Variants in FREM3 observed in about 807,000 individuals in gnomAD.
The protein encoded by FREM3 is FRAS1 related extracellular matrix 3.
FREM3 carries 105 observed loss-of-function variants against 129.1 expected under a neutral mutation model. The ratio of observed to expected loss-of-function variants is 0.81; its 90% CI spans 0.69 to 0.96. The LOEUF is 0.96. FREM3 is among the 40% of genes least tolerant of loss of function. The pLI is 0.00. For missense variants in FREM3, 2,593 were observed against 2,666.3 expected, an observed-to-expected ratio of 0.97 and a Z score of 0.61; for synonymous variants, 1,014 against 1,044.9, an observed-to-expected ratio of 0.97 and a Z score of 0.57.
At chr4:143,661,266 C>T (rs912759826) in intron 2 of FREM3, among the ~76,000 whole-genome samples, 1 of 152,130 alleles carries the variant, frequency 6.6e-6, no homozygotes, top group African/African-American at 2.4e-5. Context: ...CCATCAATAC[C>T]TAATTTATTG....
At chr4:143,657,397 T>A (rs1459299161) in intron 2 of FREM3, among the ~76,000 whole-genome samples, 1 of 152,208 alleles carries the variant, frequency 6.6e-6, no homozygotes, top group Admixed American at 6.5e-5. Context: ...TCTCAGAATT[T>A]TAGGACTGGA....
chr4:143,592,762 T>C, intron 6 of FREM3, among the ~76,000 whole-genome samples: 1 of 152,216 alleles, frequency 6.6e-6, no homozygotes, highest in Non-Finnish European at 1.5e-5. Context: ...ATTCTCTGTA[T>C]TTCCTGAATT....
intron 2 of FREM3, among the ~76,000 whole-genome samples, chr4:143,690,548 C>T (rs1248074780): frequency 1.3e-5 from 2 of 152,068 alleles, no homozygotes; most frequent in Non-Finnish European, 2.9e-5. Context: ...CTCCTTCAGC[C>T]CGATGGTGAA....
chr4:143,698,029 A>T lies in FREM3; in HGVS notation c.2647T>A (p.Cys883Ser). The change falls in exon 1 of 8, where the codon TGT becomes AGT. Residue 883 changes from cysteine to serine, a missense_variant. Physicochemically the swap from Cys to Ser is moderately radical, Grantham distance 112. Transcript: ENST00000329798. Reference protein sequence around the residue: ...QHGHLQYFKRCMVPGESFMQA... With the variant: ...QHGHLQYFKRSMVPGESFMQA... ...ATGAAAGATTCCCCTGGGACCATAC[A>T]TCTTTTAAAGTACTGCAAGTGTCCA... 1 of 1,537,318 alleles carries T rather than the reference A, an allele frequency of 6.5e-7. No individual in the cohort carries two copies. The highest frequency in any genetic ancestry group is 1.4e-5 in the African/African-American group (1 of 73,154).
chr4:143,591,036 A>G (rs1199936640), intron 6 of FREM3, among the ~76,000 whole-genome samples: 4 of 152,162 alleles, frequency 2.6e-5, no homozygotes, highest in Non-Finnish European at 5.9e-5. Context: ...AGAGGTGTTT[A>G]TAGTATTCTC....
intron 2 of FREM3, among the ~76,000 whole-genome samples, chr4:143,637,851 A>G (rs889222348): frequency 3.3e-5 from 5 of 152,258 alleles, no homozygotes; most frequent in South Asian, 2.1e-4. Context: ...CACCTCTGCA[A>G]TCTTTGGACA....
chr4:143,674,920 T>A (rs909241759), intron 2 of FREM3, among the ~76,000 whole-genome samples: 20 of 152,180 alleles, frequency 1.3e-4, no homozygotes, highest in African/African-American at 4.8e-4. Context: ...CAAAGAGACT[T>A]AGACTCCCAC....
At chr4:143,594,400 T>G (rs955179462) in intron 6 of FREM3, among the ~76,000 whole-genome samples, 2 of 152,214 alleles carry the variant, frequency 1.3e-5, no homozygotes, top group Admixed American at 1.3e-4. Flanking sequence ...TATCAGAGTC[T>G]TATGAACTGT....
rs1161098243 is a variant in FREM3 at position 143,693,654 on chromosome 4, T to A, written c.5186-452A>T. ...CATAAAGACACATGCATGCAAATGTTCATAGCAGCACTACTCACGATAGCA... is the reference window on the plus strand; with the variant it reads ...CATAAAGACACATGCATGCAAATGTACATAGCAGCACTACTCACGATAGCA... On this transcript the variant is annotated intron_variant, in intron 1 of 7. Coordinates refer to ENST00000329798, the MANE Select transcript of FREM3 (RefSeq NM_001168235.2). Among the ~76,000 whole-genome samples, 5 of 152,334 alleles carry A rather than the reference T, an allele frequency of 3.3e-5. No individual in the cohort carries two copies. In the East Asian group the frequency reaches 7.7e-4, roughly 23 times the overall value.
chr4:143,665,718 T>C (rs1739846371), intron 2 of FREM3, among the ~76,000 whole-genome samples: 1 of 152,114 alleles, frequency 6.6e-6, no homozygotes, highest in African/African-American at 2.4e-5. Flanking sequence ...AATACAGTTC[T>C]ATGCAAGAGA....
chr4:143,624,178 C>A lies in FREM3; in HGVS notation c.5583G>T (p.Leu1861=). ...YETSETFQII[L]SEPLMAVLEF... ...CCAGTACAGCCATGAGAGGTTCAGA[C>A]AGAATGATCTGGAAGGTCTCTGAAG... Residue 1861 remains leucine, a synonymous_variant, in exon 4 of 8, where the codon CTG becomes CTT. Coordinates refer to ENST00000329798, the MANE Select transcript of FREM3 (RefSeq NM_001168235.2). The A allele has an allele frequency of 6.5e-7, 1 of 1,536,996 alleles. No homozygotes were observed. Among genetic ancestry groups the A allele is most frequent in the Non-Finnish European group, 8.7e-7 (1 of 1,146,712 alleles).
intron 2 of FREM3, among the ~76,000 whole-genome samples, chr4:143,639,911 TA>T (rs911455165): frequency 6.0e-5 from 9 of 149,648 alleles, no homozygotes; most frequent in African/African-American, 9.8e-5. Flanking sequence ...ACAGTGCTAG[TA>T]AAAAAAAAAT....
chr4:143,660,228 A>C lies in FREM3; in HGVS notation c.5276-32468T>G, dbSNP rs1270779688. On this transcript the variant is annotated intron_variant, in intron 2 of 7. Transcript: ENST00000329798. The stretch of plus-strand genomic sequence containing the variant: ...TTTAATGGTTTTAGGTCTAACATTT[A>C]AGTCTTTAATCCATCTTGAATTAAT... Among the ~76,000 whole-genome samples, 256 of 151,570 alleles carry C rather than the reference A, an allele frequency of 1.7e-3. 2 individuals are homozygous for C. The highest frequency in any genetic ancestry group is 6.0e-3 in the African/African-American group (247 of 40,916).
chr4:143,655,040 C>A (rs1220896287), intron 2 of FREM3, among the ~76,000 whole-genome samples: 1 of 152,092 alleles, frequency 6.6e-6, no homozygotes, highest in African/African-American at 2.4e-5. Flanking sequence ...CCAGGAGGCC[C>A]AGGCAGGTAA....
rs184030174 is a variant in FREM3 at position 143,641,554 on chromosome 4, G to C, written c.5276-13794C>G. On this transcript the variant is annotated intron_variant, in intron 2 of 7. Coordinates refer to ENST00000329798, the MANE Select transcript of FREM3 (RefSeq NM_001168235.2). The stretch of plus-strand genomic sequence containing the variant: ...GTTAAGTAAACCACAGCACAGCTCT[G>C]TAATCATAATATCCATTGTTAGTCC... Among the ~76,000 whole-genome samples the C allele has an allele frequency of 1.5e-4, 23 of 152,190 alleles. 1 individual carries two copies. Among genetic ancestry groups the C allele is most frequent in the South Asian group, 6.2e-4 (3 of 4,826 alleles).
chr4:143,675,105 C>G (rs1391317154), intron 2 of FREM3, among the ~76,000 whole-genome samples: 1 of 152,182 alleles, frequency 6.6e-6, no homozygotes, highest in African/African-American at 2.4e-5. Context: ...CAGCACCACA[C>G]CACACCTATT....
intron 2 of FREM3, among the ~76,000 whole-genome samples, chr4:143,642,226 C>G (rs1408861137): frequency 6.6e-6 from 1 of 151,880 alleles, no homozygotes; most frequent in Admixed American, 6.6e-5. Context: ...GCCATACTAC[C>G]CAAAGCAATC....
At chr4:143,605,304 AG>A (rs973651331) in intron 6 of FREM3, among the ~76,000 whole-genome samples, 9 of 152,104 alleles carry the variant, frequency 5.9e-5, no homozygotes, top group African/African-American at 2.2e-4. Flanking sequence ...GCACGGCTCA[AG>A]GGTATACTAT....
intron 6 of FREM3, among the ~76,000 whole-genome samples, chr4:143,603,887 G>A (rs1738620475): frequency 5.3e-5 from 8 of 152,092 alleles, no homozygotes; most frequent in Admixed American, 4.6e-4. Flanking sequence ...AAACCAATGC[G>A]AATTCCTGAC....
Sources: allele counts gnomAD v4.1 joint callset (sites outside exome capture counted in the v4.1 genomes callset), GRCh38; gene constraint gnomAD v4.1.1; transcripts MANE v1.5; gene names NCBI Gene and HGNC (gene_info 2026-07-23, HGNC 2026-07-21).